The following ZCCHC7 variants were observed in gnomAD, a reference collection of about 807,000 sequenced individuals.
ZCCHC7 encodes zinc finger CCHC-type containing 7, also known as zinc finger CCHC domain-containing protein 7.
A neutral mutation model predicts 52.0 loss-of-function variants in ZCCHC7; 35 were observed. The ratio of observed to expected loss-of-function variants is 0.67; its 90% CI spans 0.51 to 0.89. The LOEUF is 0.89. Among genes scored for constraint, ZCCHC7 ranks in the 40% least tolerant of loss-of-function variants. The pLI is 0.00. For synonymous variants in ZCCHC7, 217 were observed against 221.5 expected, an observed-to-expected ratio of 0.98 and a Z score of 0.18; for missense variants, 574 against 649.1, an observed-to-expected ratio of 0.88 and a Z score of 1.26.
At chr9:37,271,457 TTATC>T (rs1827408227) in intron 2 of ZCCHC7, among the ~76,000 whole-genome samples, 1 of 152,230 alleles carries the variant, frequency 6.6e-6, no homozygotes, top group Non-Finnish European at 1.5e-5. Context: ...GCATATATAT[TTATC>T]AGGTAATTAT....
chr9:37,143,030 A>G (rs1001956776), intron 2 of ZCCHC7, among the ~76,000 whole-genome samples: 1 of 151,788 alleles, frequency 6.6e-6, no homozygotes, highest in Non-Finnish European at 1.5e-5. Context: ...CCGAACTTGA[A>G]ATTTATTAAG....
intron 2 of ZCCHC7, among the ~76,000 whole-genome samples, chr9:37,185,049 T>C (rs1438971800): frequency 6.6e-6 from 1 of 152,108 alleles, no homozygotes; most frequent in Non-Finnish European, 1.5e-5. Context: ...TCTTTTTTTT[T>C]CCTTAACATG....
intron 6 of ZCCHC7, among the ~76,000 whole-genome samples, chr9:37,346,492 A>G (rs921570156): frequency 1.2e-4 from 18 of 152,170 alleles, no homozygotes; most frequent in Admixed American, 2.6e-4. Flanking sequence ...CCTAGGCAAC[A>G]TGGCAAAACC....
At chr9:37,299,819 A>G (rs1397366564) in intron 2 of ZCCHC7, among the ~76,000 whole-genome samples, 1 of 152,252 alleles carries the variant, frequency 6.6e-6, no homozygotes, top group African/African-American at 2.4e-5. Context: ...TAGTAAGAAT[A>G]TGAATATGCT....
chr9:37,208,811 CT>C (rs1339768634), intron 2 of ZCCHC7, among the ~76,000 whole-genome samples: 19 of 152,144 alleles, frequency 1.2e-4, no homozygotes, highest in Admixed American at 2.0e-4. Flanking sequence ...TAGAGAGGTC[CT>C]TTTAACACAT....
At chr9:37,283,861 A>T (rs1051497321) in intron 2 of ZCCHC7, among the ~76,000 whole-genome samples, 1 of 152,078 alleles carries the variant, frequency 6.6e-6, no homozygotes, top group Non-Finnish European at 1.5e-5. Context: ...GAAACATTCC[A>T]CTGCCCTTTT....
At chr9:37,327,327 C>G (rs773676024) in intron 5 of ZCCHC7, 2 of 150,162 alleles carry the variant, frequency 1.3e-5, no homozygotes, top group South Asian at 4.5e-4. Context: ...AAAGTTAGCA[C>G]CAAGTGATTC....
chr9:37,198,452 T>C (rs1014411339), intron 2 of ZCCHC7, among the ~76,000 whole-genome samples: 22 of 152,344 alleles, frequency 1.4e-4, no homozygotes, highest in Admixed American at 1.2e-3. Flanking sequence ...GATCACATCT[T>C]CTCTTTGTCA....
chr9:37,337,884 T>C (rs2118416847), intron 6 of ZCCHC7, among the ~76,000 whole-genome samples: 1 of 152,312 alleles, frequency 6.6e-6, no homozygotes, highest in South Asian at 2.1e-4. Context: ...AAGCCTTTGC[T>C]AACTTACTTT....
intron 5 of ZCCHC7, 99 bp downstream of exon 5, chr9:37,305,813 A>T: frequency 8.0e-7 from 1 of 1,252,592 alleles, no homozygotes; most frequent in Non-Finnish European, 1.1e-6. Context: ...GCATACCTAA[A>T]GGAATGTTTA....
intron 2 of ZCCHC7, among the ~76,000 whole-genome samples, chr9:37,130,046 C>G (rs1564130923): frequency 6.6e-6 from 1 of 152,062 alleles, no homozygotes; most frequent in Admixed American, 6.5e-5. Context: ...CGAGACCAGC[C>G]TGGCCAACAT....
chr9:37,357,284 C>T lies in ZCCHC7; in HGVS notation c.*16C>T. ...AAAGTCTTAAGCCGTCAGGCAGCCT[C>T]TGATGTGGCTTTTCATTGTTCATTT... On this transcript the variant is annotated 3_prime_UTR_variant, in exon 9 of 9. Transcript: ENST00000336755. 2 of 1,566,772 alleles carry T rather than the reference C, an allele frequency of 1.3e-6. No homozygotes were observed. Among genetic ancestry groups the T allele is most frequent in the Non-Finnish European group, 1.7e-6 (2 of 1,163,924 alleles).
chr9:37,277,770 A>C (rs182230113), intron 2 of ZCCHC7, among the ~76,000 whole-genome samples: 1 of 152,348 alleles, frequency 6.6e-6, no homozygotes, highest in African/African-American at 2.4e-5. Context: ...CAAGTTCTGC[A>C]TATAAATGAT....
chr9:37,343,903 C>T (rs1820793900), intron 6 of ZCCHC7, among the ~76,000 whole-genome samples: 1 of 152,196 alleles, frequency 6.6e-6, no homozygotes, highest in Non-Finnish European at 1.5e-5. Context: ...AATTTGTAAA[C>T]TAATATGTGT....
At chr9:37,336,255 C>T (rs541989490) in intron 6 of ZCCHC7, among the ~76,000 whole-genome samples, 1 of 152,166 alleles carries the variant, frequency 6.6e-6, no homozygotes, top group Admixed American at 6.5e-5. Flanking sequence ...ATACGTCCAG[C>T]GAAAAAGGCA....
chr9:37,131,427 C>G (rs1842780347), intron 2 of ZCCHC7, among the ~76,000 whole-genome samples: 1 of 151,418 alleles, frequency 6.6e-6, no homozygotes, highest in African/African-American at 2.4e-5. Context: ...GGGTGGATCA[C>G]TTGAGGTCAG....
In ZCCHC7 at chr9:37,320,499, G is replaced by C. The variant is rs1265335857; in HGVS notation, c.952-7300G>C. Among the ~76,000 whole-genome samples, 2 of 152,106 alleles carry C rather than the reference G, an allele frequency of 1.3e-5. 1 individual carries two copies. The highest frequency in any genetic ancestry group is 4.8e-5 in the African/African-American group (2 of 41,418). ...TTCTGATAGGATTTTGATTACAGTT[G>C]TGTTCCAGTCTATAGACTACTGTAG... On this transcript the variant is annotated intron_variant, in intron 5 of 8. Coordinates refer to ENST00000336755, the MANE Select transcript of ZCCHC7 (RefSeq NM_032226.3).
At chr9:37,166,605 A>G (rs1381031224) in intron 2 of ZCCHC7, among the ~76,000 whole-genome samples, 1 of 151,450 alleles carries the variant, frequency 6.6e-6, no homozygotes, top group Non-Finnish European at 1.5e-5. Flanking sequence ...TAATGTTTAC[A>G]GTGGATTTTA....
intron 2 of ZCCHC7, among the ~76,000 whole-genome samples, chr9:37,175,916 G>GTT (rs1271593092): frequency 6.6e-6 from 1 of 152,090 alleles, no homozygotes; most frequent in East Asian, 1.9e-4. Flanking sequence ...GTTTTGTTTT[G>GTT]TTTAAATACT....
Sources: allele counts gnomAD v4.1 joint callset (sites outside exome capture counted in the v4.1 genomes callset), GRCh38; gene constraint gnomAD v4.1.1; transcripts MANE v1.5; gene names NCBI Gene and HGNC (gene_info 2026-07-23, HGNC 2026-07-21).